The following UBE2U variants were observed in gnomAD, a reference collection of about 807,000 sequenced individuals.
UBE2U encodes the protein ubiquitin conjugating enzyme E2 U, also known as ubiquitin-conjugating enzyme E2 U.
A neutral mutation model predicts 41.2 loss-of-function variants in UBE2U; 39 were observed. The ratio of observed to expected loss-of-function variants is 0.95; its 90% CI spans 0.73 to 1.24. The LOEUF is 1.24. UBE2U is among the 50% of genes most tolerant of loss of function. The pLI, the probability that UBE2U is intolerant of heterozygous loss-of-function variation, is 0.00. For missense variants in UBE2U, 336 were observed against 363.1 expected (o/e 0.93, Z 0.61); for synonymous variants, 107 against 117.8 (o/e 0.91, Z 0.60).
At chr1:64,212,503 G>C (rs35554046) in intron 4 of UBE2U, among the ~76,000 whole-genome samples, 25,274 of 152,120 alleles carry the variant, frequency 0.17, 2,720 homozygotes, top group Non-Finnish European at 0.24. Flanking sequence ...AAATGGGGCT[G>C]TTGTTACCTC....
chr1:64,250,574 A>G (rs1402758931), intron 8 of UBE2U, among the ~76,000 whole-genome samples: 1 of 152,196 alleles, frequency 6.6e-6, no homozygotes, highest in East Asian at 1.9e-4. Context: ...TATATACCCA[A>G]AGGATTATAA....
chr1:64,229,559 G>A (rs527497563), intron 6 of UBE2U, among the ~76,000 whole-genome samples: 6 of 152,082 alleles, frequency 3.9e-5, no homozygotes, highest in South Asian at 2.1e-4. Flanking sequence ...TAGAAGTGCC[G>A]GAGGGTTTTA....
At chr1:64,210,903 C>T in intron 4 of UBE2U, 64 bp downstream of exon 4, 1 of 1,190,904 alleles carries the variant, frequency 8.4e-7, no homozygotes, top group Non-Finnish European at 1.2e-6. Flanking sequence ...ATTCAAACTA[C>T]AAGGATTAAA....
At chr1:64,243,265 A>T (rs553844379) in intron 8 of UBE2U, among the ~76,000 whole-genome samples, 1 of 152,348 alleles carries the variant, frequency 6.6e-6, no homozygotes, top group South Asian at 2.1e-4. Flanking sequence ...CACTATTTAA[A>T]TGCAGTTTTA....
At chr1:64,251,153 G>T (rs1645005045) in intron 8 of UBE2U, among the ~76,000 whole-genome samples, 1 of 150,630 alleles carries the variant, frequency 6.6e-6, no homozygotes, top group South Asian at 2.1e-4. Context: ...AGACACAGAT[G>T]CAAAAATTTT....
At chr1:64,239,175 G>GAAGAAGAAGAAGAAGAAGAAGA (rs1644781698) in intron 7 of UBE2U, among the ~76,000 whole-genome samples, 1 of 95,408 alleles carries the variant, frequency 1.0e-5, no homozygotes, top group African/African-American at 4.7e-5. Context: ...AGAAGAAGAA[G>GAAGAAGAAGAAGAAGAAGAAGA]AAGAAGAAGA....
chr1:64,240,741 A>G (rs1228296609), intron 7 of UBE2U, among the ~76,000 whole-genome samples: 1 of 152,260 alleles, frequency 6.6e-6, no homozygotes, highest in South Asian at 2.1e-4. Context: ...GTTGCTCAAA[A>G]CAAAATTTCT....
chr1:64,210,548 T>C (rs1302118747), intron 3 of UBE2U, among the ~76,000 whole-genome samples, 194 bp from the exon 4 acceptor site: 1 of 152,190 alleles, frequency 6.6e-6, no homozygotes, highest in African/African-American at 2.4e-5. Flanking sequence ...TAGGGGCACC[T>C]ATGTATTCAG....
chr1:64,248,971 CA>C (rs1644963961), intron 8 of UBE2U, among the ~76,000 whole-genome samples: 1 of 151,954 alleles, frequency 6.6e-6, no homozygotes, highest in Admixed American at 6.6e-5. Context: ...CTGATTTTCA[CA>C]AAAAACTGAA....
At chr1:64,222,703 T>C (rs1652573830) in intron 6 of UBE2U, among the ~76,000 whole-genome samples, 1 of 152,230 alleles carries the variant, frequency 6.6e-6, no homozygotes, top group Non-Finnish European at 1.5e-5. Context: ...TAGTTCTTAG[T>C]TTTTAAATAA....
Position 64,221,820 on chromosome 1 carries a change from C to G in UBE2U, c.506+913C>G, listed in dbSNP as rs536863736. On this transcript the variant is annotated intron_variant, in intron 6 of 9. Transcript: ENST00000371077. The stretch of plus-strand genomic sequence containing the variant: ...GATAACTTATGGCCGAGAGCAGTGG[C>G]TCACGCCTGTAATCCCAGCACTTTG... Among the ~76,000 whole-genome samples, 5 of 152,308 alleles carry G rather than the reference C, an allele frequency of 3.3e-5. No homozygotes were observed. The South Asian group carries it at 6.2e-4, about 19-fold the overall frequency.
At chr1:64,207,294 G>A (rs546110142) in intron 3 of UBE2U, among the ~76,000 whole-genome samples, 8 of 152,198 alleles carry the variant, frequency 5.3e-5, no homozygotes, top group African/African-American at 1.9e-4. Context: ...GGGACTACAG[G>A]CATGCGCCAC....
intron 7 of UBE2U, among the ~76,000 whole-genome samples, chr1:64,239,121 A>AAGGAGAAGG (rs1644750215): frequency 9.3e-5 from 5 of 54,010 alleles, no homozygotes; most frequent in African/African-American, 3.9e-4. Flanking sequence ...GAAGAAGAAG[A>AAGGAGAAGG]AGAAGAAGAA....
chr1:64,249,404 A>C (rs1374532020), intron 8 of UBE2U, among the ~76,000 whole-genome samples: 1 of 149,604 alleles, frequency 6.7e-6, no homozygotes. Context: ...AAAAATCACC[A>C]GTCATACAAA....
chr1:64,244,114 C>CTCAT, intron 8 of UBE2U: 1 of 1,591,652 alleles, frequency 6.3e-7, no homozygotes, highest in Non-Finnish European at 8.6e-7. Flanking sequence ...TACTGTGGCC[C>CTCAT]TCATTCAATT....
intron 9 of UBE2U, among the ~76,000 whole-genome samples, 196 bp downstream of exon 9, chr1:64,260,890 T>C (rs1645171296): frequency 6.6e-6 from 1 of 152,198 alleles, no homozygotes. Context: ...GAATTGGAAC[T>C]TTGACAGAAT....
At chr1:64,256,921 A>C (rs1428952551) in intron 8 of UBE2U, among the ~76,000 whole-genome samples, 2 of 151,438 alleles carry the variant, frequency 1.3e-5, no homozygotes, top group Non-Finnish European at 2.9e-5. Flanking sequence ...GAAAAAAAAA[A>C]CCATTAAAAA....
At chr1:64,205,396 C>A (rs1400235076) in intron 1 of UBE2U, among the ~76,000 whole-genome samples, 1 of 152,152 alleles carries the variant, frequency 6.6e-6, no homozygotes. Context: ...ACTCTCTAGT[C>A]CCACTTGTGA....
intron 3 of UBE2U, 152 bp downstream of exon 3, chr1:64,207,008 C>T: frequency 1.6e-6 from 1 of 627,774 alleles, no homozygotes; most frequent in Non-Finnish European, 2.8e-6. Flanking sequence ...AAAAAATTAG[C>T]AATCACCTTA....
Sources: allele counts gnomAD v4.1 joint callset (sites outside exome capture counted in the v4.1 genomes callset), GRCh38; gene constraint gnomAD v4.1.1; transcripts MANE v1.5; gene names NCBI Gene and HGNC (gene_info 2026-07-23, HGNC 2026-07-21).